Variants in CDH13 observed in about 807,000 individuals in gnomAD.
CDH13 encodes the protein cadherin-13.
Under a neutral mutation model 63.8 loss-of-function variants are expected in CDH13, and 24 were observed. That is an observed-to-expected ratio of 0.38 (90% CI 0.27 to 0.53). The LOEUF (loss-of-function observed/expected upper bound fraction) is 0.53, where lower values mean the gene tolerates loss of function less well. Ranked by LOEUF, CDH13 falls within the 20% of genes least tolerant of loss-of-function variation. The probability of loss-of-function intolerance (pLI) is 0.85; values close to 1 mark genes in which losing one functional copy is unlikely to be tolerated. For missense variants in CDH13, 1,049 were observed against 903.1 expected, an observed-to-expected ratio of 1.16 and a Z score of -2.07; for synonymous variants, 503 against 355.3, an observed-to-expected ratio of 1.42 and a Z score of -4.67.
intron 7 of CDH13, among the ~76,000 whole-genome samples, chr16:83,532,463 G>A (rs745970258): frequency 3.9e-5 from 6 of 152,228 alleles, no homozygotes; most frequent in Non-Finnish European, 7.3e-5. Context: ...CTGGATAAAT[G>A]AATATTTGTC....
At chr16:82,953,623 G>A (rs1905612568) in intron 2 of CDH13, 2 of 152,180 alleles carry the variant, frequency 1.3e-5, no homozygotes, top group African/African-American at 4.8e-5. Flanking sequence ...AAACATGGGT[G>A]AGAAAATAAA....
At chr16:83,352,839 G>A (rs1248308267) in intron 6 of CDH13, among the ~76,000 whole-genome samples, 1 of 152,178 alleles carries the variant, frequency 6.6e-6, no homozygotes, top group Admixed American at 6.5e-5. Flanking sequence ...ACAGTGAACC[G>A]AGATCGTGAC....
rs368787524 is a variant in CDH13, at chr16:82,943,185, C to G, written c.157+84712C>G. ...ATCTCCCACTTACTGAGCTTCCATT[C>G]TTCCATTCTGATTGTCTCTGTTACA... On this transcript the variant is annotated intron_variant, in intron 2 of 13. Transcript: ENST00000567109. Among the ~76,000 whole-genome samples, 10 of 152,286 alleles carry G rather than the reference C, an allele frequency of 6.6e-5. No homozygotes were observed. In the East Asian group the frequency reaches 1.5e-3, roughly 24 times the overall value.
At chr16:83,727,510 T>A (rs75361201) in intron 10 of CDH13, among the ~76,000 whole-genome samples, 9,477 of 151,576 alleles carry the variant, frequency 0.063, 358 homozygotes, top group African/African-American at 0.091. Flanking sequence ...CCTATCCACC[T>A]GTTCCAGAGA....
chr16:83,419,438 T>G (rs2071649142), intron 6 of CDH13, among the ~76,000 whole-genome samples: 1 of 152,224 alleles, frequency 6.6e-6, no homozygotes, highest in Admixed American at 6.5e-5. Flanking sequence ...TTATCTTATT[T>G]AAACCCCTCA....
chr16:82,816,388 G>A (rs12928032), intron 1 of CDH13, among the ~76,000 whole-genome samples: 13,124 of 152,076 alleles, frequency 0.086, 628 homozygotes, highest in African/African-American at 0.12. Context: ...ATTCCGGGGG[G>A]AAAAAGAGAG....
rs377255266 is a variant in CDH13, at chr16:83,247,893, A to T, written c.636+30396A>T. On this transcript the variant is annotated intron_variant, in intron 5 of 13. Coordinates refer to ENST00000567109, the MANE Select transcript of CDH13 (RefSeq NM_001257.5). ...CCAAAGGACAGATGATTCTTCAAAG[A>T]GAGCTACTGTTCTTTAAATGTCACC... Among the ~76,000 whole-genome samples, 16 of 152,326 alleles carry T rather than the reference A, an allele frequency of 1.1e-4. No individual in the cohort carries two copies. In the East Asian group the frequency reaches 2.9e-3, roughly 28 times the overall value.
intron 5 of CDH13, among the ~76,000 whole-genome samples, chr16:83,303,861 C>G (rs1271310329): frequency 6.6e-6 from 1 of 152,158 alleles, no homozygotes; most frequent in Non-Finnish European, 1.5e-5. Context: ...ACAGGATTCT[C>G]ATGACAGGCT....
At chr16:82,859,183 A>G (rs1236379975) in intron 2 of CDH13, 2 of 152,286 alleles carry the variant, frequency 1.3e-5, no homozygotes, top group African/African-American at 4.8e-5. Context: ...TTGGTGGTAG[A>G]CAAATAGCTA....
At chr16:83,067,122 C>A (rs1231798202) in intron 3 of CDH13, among the ~76,000 whole-genome samples, 2 of 152,150 alleles carry the variant, frequency 1.3e-5, no homozygotes, top group African/African-American at 4.8e-5. Flanking sequence ...TTTCACTTCC[C>A]TAGGAGCCAT....
intron 7 of CDH13, among the ~76,000 whole-genome samples, chr16:83,592,965 T>A (rs1906904656): frequency 6.6e-6 from 1 of 152,114 alleles, no homozygotes; most frequent in African/African-American, 2.4e-5. Flanking sequence ...TTTATGAGGA[T>A]GTGTAAGCGG....
At chr16:83,428,676 C>A (rs758409134) in intron 6 of CDH13, among the ~76,000 whole-genome samples, 1 of 152,162 alleles carries the variant, frequency 6.6e-6, no homozygotes, top group Non-Finnish European at 1.5e-5. Context: ...GAAATTAGTC[C>A]GTAAGACAAG....
intron 4 of CDH13, among the ~76,000 whole-genome samples, chr16:83,165,774 T>C (rs754291809): frequency 6.6e-6 from 1 of 152,086 alleles, no homozygotes; most frequent in Non-Finnish European, 1.5e-5. Context: ...AGACCTAGAA[T>C]TCAGGAGAGA....
At chr16:83,327,004 C>T (rs2090378080) in intron 5 of CDH13, among the ~76,000 whole-genome samples, 2 of 152,112 alleles carry the variant, frequency 1.3e-5, no homozygotes, top group African/African-American at 4.8e-5. Context: ...CTTTTGTGCA[C>T]AAGTGAAAGA....
intron 11 of CDH13, among the ~76,000 whole-genome samples, chr16:83,775,453 C>T (rs1915042274): frequency 1.3e-5 from 2 of 149,356 alleles, no homozygotes; most frequent in African/African-American, 4.9e-5. Flanking sequence ...GAAGCCCCTA[C>T]AAACTCAGCC....
intron 5 of CDH13, among the ~76,000 whole-genome samples, chr16:83,273,570 G>A (rs1257650139): frequency 6.6e-6 from 1 of 152,122 alleles, no homozygotes; most frequent in Non-Finnish European, 1.5e-5. Flanking sequence ...GTCCTTCATG[G>A]CAACATGGAT....
chr16:82,996,486 A>G (rs1395133105), intron 2 of CDH13, among the ~76,000 whole-genome samples: 4 of 152,168 alleles, frequency 2.6e-5, no homozygotes, highest in Non-Finnish European at 4.4e-5. Flanking sequence ...CTCCATGTTC[A>G]TTAGAAATGT....
At position 83,234,074 on chromosome 16, in the gene CDH13, G is replaced by C. The variant is rs73591848; in HGVS notation, c.636+16577G>C. Among the ~76,000 whole-genome samples the C allele has an allele frequency of 1.6e-3, 237 of 152,322 alleles. 1 individual carries two copies. The highest frequency in any genetic ancestry group is 5.4e-3 in the African/African-American group (224 of 41,588). ...TCCCCTCTTCTGCTGGCTTCAAATA[G>C]GGTGACGGCCGGAAGGAGAAGTAAC... On this transcript the variant is annotated intron_variant, in intron 5 of 13. Coordinates refer to ENST00000567109, the MANE Select transcript of CDH13 (RefSeq NM_001257.5).
At position 83,472,758 on chromosome 16, in the gene CDH13, G is replaced by A. The variant is rs532650954; in HGVS notation, c.782-13719G>A. On this transcript the variant is annotated intron_variant, in intron 6 of 13. Coordinates refer to ENST00000567109, the MANE Select transcript of CDH13 (RefSeq NM_001257.5). ...GAAACAGATTATTCATACAGAGTGT[G>A]CCAGAAGCTACTGGATCGAATCTCC... Among the ~76,000 whole-genome samples, 204 of 152,310 alleles carry A rather than the reference G, an allele frequency of 1.3e-3. 4 individuals are homozygous for A. The South Asian group carries it at 0.039, about 29-fold the overall frequency.
Sources: allele counts gnomAD v4.1 joint callset (sites outside exome capture counted in the v4.1 genomes callset), GRCh38; gene constraint gnomAD v4.1.1; transcripts MANE v1.5; gene names NCBI Gene and HGNC (gene_info 2026-07-23, HGNC 2026-07-21).